ALK: variants seen among roughly 807,000 people sequenced by gnomAD.
ALK encodes the protein ALK tyrosine kinase receptor.
A neutral mutation model predicts 163.1 loss-of-function variants in ALK; 74 were observed. That is an observed-to-expected ratio of 0.45 (90% CI 0.38 to 0.55). The LOEUF (loss-of-function observed/expected upper bound fraction) is 0.55, where lower values mean the gene tolerates loss of function less well. ALK is among the 20% of genes least tolerant of loss of function. The pLI, the probability that ALK is intolerant of heterozygous loss-of-function variation, is 0.00. For missense variants in ALK, 2,063 were observed against 2,105.3 expected (o/e 0.98, Z 0.39); for synonymous variants, 960 against 843.2 (o/e 1.14, Z -2.40).
At chr2:29,684,277 C>G (rs1678173312) in intron 3 of ALK, among the ~76,000 whole-genome samples, 1 of 152,092 alleles carries the variant, frequency 6.6e-6, no homozygotes, top group Non-Finnish European at 1.5e-5. Context: ...GTAAGGAAAG[C>G]AAAAAGACAG....
intron 5 of ALK, among the ~76,000 whole-genome samples, chr2:29,344,552 C>T (rs916789881): frequency 6.6e-6 from 1 of 152,212 alleles, no homozygotes; most frequent in Non-Finnish European, 1.5e-5. Flanking sequence ...ATTTTCAAGG[C>T]AGCAGACATG....
chr2:29,557,822 G>T (rs1159242927), intron 3 of ALK, among the ~76,000 whole-genome samples: 1 of 152,130 alleles, frequency 6.6e-6, no homozygotes, highest in Non-Finnish European at 1.5e-5. Context: ...TTTAGGGTGT[G>T]GGTTAGGGTG....
chr2:29,549,137 T>TACAC (rs58557380), intron 3 of ALK, among the ~76,000 whole-genome samples: 27,451 of 149,632 alleles, frequency 0.18, 2,549 homozygotes, highest in South Asian at 0.24. Context: ...GATCTACAGG[T>TACAC]ACACACACAC....
At chr2:29,480,715 G>T (rs966224628) in intron 4 of ALK, among the ~76,000 whole-genome samples, 4 of 151,450 alleles carry the variant, frequency 2.6e-5, no homozygotes, top group Non-Finnish European at 5.9e-5. Flanking sequence ...TCAGGCCGGG[G>T]GCTACAGGCA....
chr2:29,537,660 A>T (rs1432035679), intron 3 of ALK, among the ~76,000 whole-genome samples: 1 of 152,216 alleles, frequency 6.6e-6, no homozygotes, highest in Non-Finnish European at 1.5e-5. Flanking sequence ...AGCTGTGGGA[A>T]GGGGGCTGCT....
chr2:29,197,233 C>T (rs550562592), intron 27 of ALK, among the ~76,000 whole-genome samples: 40 of 152,222 alleles, frequency 2.6e-4, no homozygotes, highest in African/African-American at 9.1e-4. Flanking sequence ...CACAGACATA[C>T]GGTGTAGGGC....
chr2:29,300,722 G>A (rs1398995634), intron 8 of ALK, among the ~76,000 whole-genome samples: 1 of 152,150 alleles, frequency 6.6e-6, no homozygotes, highest in Non-Finnish European at 1.5e-5. Context: ...ACCAATGCAA[G>A]ATTACCCAAC....
intron 1 of ALK, among the ~76,000 whole-genome samples, chr2:29,851,946 G>A (rs948357893): frequency 2.0e-5 from 3 of 152,208 alleles, no homozygotes; most frequent in East Asian, 1.9e-4. Flanking sequence ...GTCAGCAGCA[G>A]TAAGTAGTAG....
intron 3 of ALK, among the ~76,000 whole-genome samples, chr2:29,580,493 G>A (rs952154625): frequency 6.6e-5 from 10 of 152,118 alleles, no homozygotes; most frequent in African/African-American, 2.2e-4. Context: ...ACACGTCTCC[G>A]GTTGACATAA....
intron 23 of ALK, among the ~76,000 whole-genome samples, chr2:29,216,682 A>ATATG (rs1553392997): frequency 0.5 from 76,392 of 151,364 alleles, 20,041 homozygotes; most frequent in East Asian, 0.89. Flanking sequence ...TGTGTTGTGT[A>ATATG]TATGTGGGGT....
intron 4 of ALK, among the ~76,000 whole-genome samples, chr2:29,482,252 A>G (rs113292738): frequency 2.0e-4 from 31 of 152,318 alleles, no homozygotes; most frequent in African/African-American, 7.5e-4. Context: ...ACCAGTGGAC[A>G]GTGTGCCATG....
intron 4 of ALK, among the ~76,000 whole-genome samples, chr2:29,454,472 A>C (rs1180052955): frequency 6.6e-6 from 1 of 151,914 alleles, no homozygotes; most frequent in Non-Finnish European, 1.5e-5. Context: ...TTTTTTTCCT[A>C]GTAGTTTTGA....
chr2:29,529,679 T>C (rs1417822070), intron 4 of ALK, among the ~76,000 whole-genome samples: 1 of 152,238 alleles, frequency 6.6e-6, no homozygotes, highest in African/African-American at 2.4e-5. Context: ...GGATGGTCCA[T>C]TGATTGTCCT....
At chr2:29,226,837 G>A (rs2148178059) in intron 18 of ALK, 85 bp downstream of exon 18, 2 of 1,548,148 alleles carry the variant, frequency 1.3e-6, no homozygotes, top group Non-Finnish European at 1.8e-6. Flanking sequence ...AATCCAGGGT[G>A]TTCTGGAACC....
At chr2:29,585,678 T>A (rs1674865914) in intron 3 of ALK, among the ~76,000 whole-genome samples, 1 of 152,182 alleles carries the variant, frequency 6.6e-6, no homozygotes, top group Non-Finnish European at 1.5e-5. Context: ...CAAATTTTTA[T>A]CTTGATTTTT....
rs1360333591 is a variant in ALK at position 29,561,846 on chromosome 2, G to A, written c.953-29730C>T. ...GCCGGGCATGGGGGGTAGTGGTGGT[G>A]GTTAAAGCATGTGGATGCCTCAGTC... is the stretch of plus-strand genomic sequence containing the variant. On this transcript the variant is annotated intron_variant, in intron 3 of 28. Coordinates refer to ENST00000389048, the MANE Select transcript of ALK (RefSeq NM_004304.5). Among the ~76,000 whole-genome samples the A allele has an allele frequency of 2.6e-5, 4 of 152,138 alleles. No individual in the cohort carries two copies. In the East Asian group the frequency reaches 5.8e-4, roughly 22 times the overall value.
intron 1 of ALK, among the ~76,000 whole-genome samples, chr2:29,904,264 C>T (rs191081118): frequency 7.2e-5 from 11 of 152,152 alleles, no homozygotes; most frequent in East Asian, 1.9e-4. Context: ...ACAAAAGATT[C>T]GCTGGTTCAA....
At chr2:29,639,579 G>C (rs894909941) in intron 3 of ALK, among the ~76,000 whole-genome samples, 1 of 152,082 alleles carries the variant, frequency 6.6e-6, no homozygotes, top group Non-Finnish European at 1.5e-5. Context: ...TATAGAATAG[G>C]AAATCAAGAC....
rs181769151 is a variant in ALK, at chr2:29,777,492, G to T, written c.668-59795C>A. 3.1e-3 allele frequency among the ~76,000 whole-genome samples: 469 copies of T among 152,110 alleles called. 4 individuals are homozygous for T. Among genetic ancestry groups the T allele is most frequent in the Non-Finnish European group, 3.5e-3 (238 of 67,994 alleles). On this transcript the variant is annotated intron_variant, in intron 1 of 28. Coordinates refer to ENST00000389048, the MANE Select transcript of ALK (RefSeq NM_004304.5). ...ATCCATCTATTTTGCTTATTGCTAG[G>T]TACCTAGGGTCTTCTACCACCCAGA...
Sources: gnomAD v4.1 joint callset for allele counts (sites outside exome capture counted in the v4.1 genomes callset) on GRCh38, gnomAD v4.1.1 for gene constraint, MANE v1.5 for transcripts, NCBI Gene and HGNC (gene_info 2026-07-23, HGNC 2026-07-21) for gene names.